The following DLGAP2 variants were observed in gnomAD, a reference collection of about 807,000 sequenced individuals.
DLGAP2 encodes the protein disks large-associated protein 2.
In DLGAP2, 26 loss-of-function variants were observed where a neutral mutation model predicts 100.3. That is an observed-to-expected ratio of 0.26 (90% CI 0.19 to 0.36). DLGAP2 has a LOEUF of 0.36. DLGAP2 is among the 10% of genes least tolerant of loss of function. The probability of loss-of-function intolerance (pLI) is 1.00; values close to 1 mark genes in which losing one functional copy is unlikely to be tolerated. For synonymous variants in DLGAP2, 886 were observed against 630.1 expected (o/e 1.41, Z -6.08); for missense variants, 1,858 against 1,453.2 (o/e 1.28, Z -4.53).
intron 3 of DLGAP2, among the ~76,000 whole-genome samples, chr8:1,285,408 G>A (rs763227246): frequency 2.6e-5 from 4 of 152,174 alleles, no homozygotes; most frequent in Admixed American, 2.0e-4. Flanking sequence ...AAATAAGACT[G>A]TGCGTTTAGA....
chr8:854,217 C>T (rs1216590595), intron 1 of DLGAP2, among the ~76,000 whole-genome samples: 2 of 152,182 alleles, frequency 1.3e-5, no homozygotes, highest in Non-Finnish European at 2.9e-5. Flanking sequence ...GACTTGGGCT[C>T]ACCACCATGA....
At chr8:1,677,003 A>G (rs1230316197) in intron 11 of DLGAP2, among the ~76,000 whole-genome samples, 1 of 152,252 alleles carries the variant, frequency 6.6e-6, no homozygotes, top group Non-Finnish European at 1.5e-5. Flanking sequence ...GCCTTCATAC[A>G]CCGTGAAATT....
chr8:1,145,670 A>T (rs1251594276), intron 2 of DLGAP2, among the ~76,000 whole-genome samples: 1 of 151,518 alleles, frequency 6.6e-6, no homozygotes, highest in South Asian at 2.1e-4. Context: ...TGTGCAGGTT[A>T]GTTACATATG....
chr8:1,541,127 G>A (rs907030811), intron 4 of DLGAP2, among the ~76,000 whole-genome samples: 1 of 152,158 alleles, frequency 6.6e-6, no homozygotes, highest in Non-Finnish European at 1.5e-5. Flanking sequence ...ATTTGCGGAG[G>A]ATGTAAACTT....
chr8:1,317,064 A>G (rs1251418332), intron 3 of DLGAP2, among the ~76,000 whole-genome samples: 3 of 126,726 alleles, frequency 2.4e-5, no homozygotes, highest in East Asian at 2.3e-4. Flanking sequence ...TCTCTCCAAC[A>G]GTGGTCTACA....
chr8:948,808 AC>A (rs1799399527), intron 2 of DLGAP2, among the ~76,000 whole-genome samples: 1 of 152,242 alleles, frequency 6.6e-6, no homozygotes, highest in Non-Finnish European at 1.5e-5. Context: ...GCCATGAGTG[AC>A]CGGGCAAACA....
At chr8:825,611 T>C (rs1346859642) in intron 1 of DLGAP2, among the ~76,000 whole-genome samples, 4 of 152,360 alleles carry the variant, frequency 2.6e-5, no homozygotes, top group African/African-American at 9.6e-5. Flanking sequence ...GTCTTCTCGC[T>C]GTTCTTCCTC....
intron 2 of DLGAP2, among the ~76,000 whole-genome samples, chr8:1,022,342 G>A (rs148535105): frequency 0.023 from 3,237 of 139,214 alleles, 185 homozygotes; most frequent in Admixed American, 0.12. Context: ...GTCCCGTGCC[G>A]AGGTAGACAC....
At chr8:912,593 T>G (rs897085141) in intron 2 of DLGAP2, among the ~76,000 whole-genome samples, 17 of 152,086 alleles carry the variant, frequency 1.1e-4, no homozygotes, top group South Asian at 6.2e-4. Flanking sequence ...TCCAGCTCAT[T>G]GGAGCCGGCT....
intron 2 of DLGAP2, among the ~76,000 whole-genome samples, chr8:1,179,295 C>G (rs1295859895): frequency 6.6e-6 from 1 of 152,250 alleles, no homozygotes; most frequent in Non-Finnish European, 1.5e-5. Context: ...TCAGCTCTCT[C>G]ATTCCCCCAC....
intron 6 of DLGAP2, among the ~76,000 whole-genome samples, chr8:1,620,051 C>A (rs940705858): frequency 2.0e-5 from 3 of 152,180 alleles, no homozygotes; most frequent in Admixed American, 2.0e-4. Context: ...TTCATCCCCC[C>A]ATCCAAGAAA....
intron 2 of DLGAP2, among the ~76,000 whole-genome samples, chr8:1,167,370 T>G (rs1426444750): frequency 6.6e-6 from 1 of 151,636 alleles, no homozygotes; most frequent in Non-Finnish European, 1.5e-5. Flanking sequence ...TCACAGGGAG[T>G]TGCTAAGCAG....
intron 2 of DLGAP2, among the ~76,000 whole-genome samples, chr8:930,234 G>A (rs1584899103): frequency 6.6e-6 from 1 of 152,232 alleles, no homozygotes; most frequent in African/African-American, 2.4e-5. Flanking sequence ...GCAAGACGTG[G>A]AATCCAGTTT....
chr8:1,677,750 A>G (rs1798843454), intron 11 of DLGAP2, among the ~76,000 whole-genome samples: 1 of 152,256 alleles, frequency 6.6e-6, no homozygotes, highest in South Asian at 2.1e-4. Flanking sequence ...TACAGGGGTT[A>G]ATGGGGACAT....
Position 1,350,568 on chromosome 8 carries a change from A to G in DLGAP2, c.106+91685A>G, listed in dbSNP as rs868617783. Among the ~76,000 whole-genome samples, 16 of 59,850 alleles carry G rather than the reference A, an allele frequency of 2.7e-4. 1 individual carries two copies. Among genetic ancestry groups the G allele is most frequent in the Non-Finnish European group, 4.1e-4 (12 of 29,330 alleles). 39.3% of individuals were successfully genotyped at this position (59,850 alleles called of 152,430 possible). On this transcript the variant is annotated intron_variant, in intron 3 of 14. Transcript: ENST00000637795. The stretch of plus-strand genomic sequence containing the variant: ...CCGTGCGGGTCCTGAGTGTGCGTGG[A>G]AAGGCCGCGCGGGTCCTGACTGTGC...
intron 2 of DLGAP2, among the ~76,000 whole-genome samples, chr8:1,242,908 A>T (rs866145257): frequency 2.8e-5 from 4 of 140,576 alleles, no homozygotes; most frequent in Middle Eastern, 3.5e-3. Flanking sequence ...GGATTGACGG[A>T]TGGATGGACA....
At chr8:1,272,364 G>T (rs887503918) in intron 3 of DLGAP2, among the ~76,000 whole-genome samples, 2 of 152,026 alleles carry the variant, frequency 1.3e-5, no homozygotes, top group African/African-American at 4.8e-5. Context: ...CAAAAAGTGA[G>T]ATTGAGCTGG....
chr8:1,332,763 G>T (rs1047949012), intron 3 of DLGAP2, among the ~76,000 whole-genome samples: 10 of 152,206 alleles, frequency 6.6e-5, no homozygotes, highest in African/African-American at 2.2e-4. Flanking sequence ...AAAAGCCATT[G>T]AGGCTGCAGG....
chr8:1,500,679 A>G (rs1054294938), intron 3 of DLGAP2, among the ~76,000 whole-genome samples: 1 of 152,254 alleles, frequency 6.6e-6, no homozygotes, highest in Non-Finnish European at 1.5e-5. Flanking sequence ...ACATGGAGGG[A>G]AGACAGTGCT....
Sources: gnomAD v4.1 joint callset for allele counts (sites outside exome capture counted in the v4.1 genomes callset) on GRCh38, gnomAD v4.1.1 for gene constraint, MANE v1.5 for transcripts, NCBI Gene and HGNC (gene_info 2026-07-23, HGNC 2026-07-21) for gene names.